The following DOP1B variants were observed in gnomAD, a reference collection of about 807,000 sequenced individuals.
DOP1B encodes DOP1 leucine zipper like protein B.
Under a neutral mutation model 233.5 loss-of-function variants are expected in DOP1B, and 174 were observed. That is an observed-to-expected ratio of 0.75 (90% confidence interval 0.66 to 0.85). The LOEUF (loss-of-function observed/expected upper bound fraction) is 0.85, where lower values mean the gene tolerates loss of function less well. Ranked by LOEUF, DOP1B falls within the 40% of genes least tolerant of loss-of-function variation. DOP1B has a pLI of 0.00. For missense variants in DOP1B, 2,652 were observed against 2,846.6 expected (o/e 0.93, Z 1.56); for synonymous variants, 1,190 against 1,185.6 (o/e 1.00, Z -0.08).
intron 1 of DOP1B, among the ~76,000 whole-genome samples, chr21:36,160,294 G>A (rs760544482): frequency 2.6e-5 from 4 of 152,150 alleles, no homozygotes; most frequent in Non-Finnish European, 4.4e-5. Flanking sequence ...GCCTTCCCAG[G>A]ATTGAGTAGG....
In DOP1B at chr21:36,196,322, T is replaced by C. The variant is rs377090836; in HGVS notation, c.139-2748T>C. 2.7e-3 allele frequency among the ~76,000 whole-genome samples: 414 copies of C among 152,254 alleles called. 5 individuals are homozygous for C. The highest frequency in any genetic ancestry group is 4.4e-3 in the Non-Finnish European group (300 of 68,028). On this transcript the variant is annotated intron_variant, in intron 2 of 36. Transcript: ENST00000691173. ...CAGTAAGCCATGGGAGTCGTGGAAA[T>C]GTTTTCTGCGGGCTGGCTGGGCATT...
chr21:36,274,193 T>C (rs1420726287), intron 27 of DOP1B, among the ~76,000 whole-genome samples: 1 of 152,182 alleles, frequency 6.6e-6, no homozygotes, highest in Non-Finnish European at 1.5e-5. Flanking sequence ...CTTTGGCTGC[T>C]GTGATCAGTA....
chr21:36,236,786 T>C (rs1008883022), intron 15 of DOP1B, among the ~76,000 whole-genome samples: 43 of 147,066 alleles, frequency 2.9e-4, no homozygotes, highest in Non-Finnish European at 5.0e-4. Context: ...TCTTTTTTTT[T>C]TTTTTTTTGA....
rs1464218506 is a variant in DOP1B at position 36,293,722 on chromosome 21, C to A, written c.*151C>A. 1 of 848,400 alleles carries A rather than the reference C, an allele frequency of 1.2e-6. No individual in the cohort carries two copies. Among genetic ancestry groups the A allele is most frequent in the Non-Finnish European group, 1.8e-6 (1 of 554,442 alleles). The allele number at this position is 848,400 out of a possible 1,614,324, so 52.6% of individuals were successfully genotyped here. ...TTCAGGCTAGGTGCGGTGGCTCACA[C>A]CTGTAATCTCAGCACTTTGGGAGGC... is the stretch of plus-strand genomic sequence containing the variant. On this transcript the variant is annotated 3_prime_UTR_variant, in exon 37 of 37. Transcript: ENST00000691173.
chr21:36,218,486 G>C lies in DOP1B; in HGVS notation c.1130-886G>C, dbSNP rs577981211. On this transcript the variant is annotated intron_variant, in intron 9 of 36. Coordinates refer to ENST00000691173, the MANE Select transcript of DOP1B (RefSeq NM_001320714.2). ...TGCAGTGAGCTGAAATCATGCCACT[G>C]CACTCCAGCCTGGGCAACAGAGCAA... Among the ~76,000 whole-genome samples, 83 of 152,154 alleles carry C rather than the reference G, an allele frequency of 5.5e-4. No homozygotes were observed. The South Asian group carries it at 0.012, about 22-fold the overall frequency.
At position 36,174,713 on chromosome 21, in the gene DOP1B, A is replaced by G. The variant is rs945884059; in HGVS notation, c.138+9842A>G. On this transcript the variant is annotated intron_variant, in intron 2 of 36. Coordinates refer to ENST00000691173, the MANE Select transcript of DOP1B (RefSeq NM_001320714.2). Reference sequence around the variant, plus strand: ...CTTTTCATAGAGACAGGGTTTCACTATGTTGCCCAGGCAGGTCTCAAATTC... The same window carrying G: ...CTTTTCATAGAGACAGGGTTTCACTGTGTTGCCCAGGCAGGTCTCAAATTC... 8.5e-5 allele frequency among the ~76,000 whole-genome samples: 13 copies of G among 152,242 alleles called. No homozygotes were observed. In the East Asian group the frequency reaches 1.2e-3, roughly 14 times the overall value.
intron 2 of DOP1B, among the ~76,000 whole-genome samples, chr21:36,181,904 A>G (rs944967851): frequency 2.6e-5 from 4 of 152,200 alleles, no homozygotes; most frequent in African/African-American, 9.7e-5. Context: ...CTTGTGTCAT[A>G]AAGGATCAGT....
chr21:36,258,104 G>A lies in DOP1B; in HGVS notation c.5260-2573G>A, dbSNP rs1205357405. On this transcript the variant is annotated intron_variant, in intron 23 of 36. Transcript: ENST00000691173. ...GTAGATAGATAGATAGATGTAGGTA[G>A]GTAGATAGATATTATGATTTTAGAG... is the stretch of plus-strand genomic sequence containing the variant. Among the ~76,000 whole-genome samples, 14 of 152,170 alleles carry A rather than the reference G, an allele frequency of 9.2e-5. No individual in the cohort carries two copies. In the East Asian group the frequency reaches 2.7e-3, roughly 29 times the overall value.
chr21:36,225,249 A>C (rs1405655083), intron 11 of DOP1B, among the ~76,000 whole-genome samples: 1 of 150,252 alleles, frequency 6.7e-6, no homozygotes, highest in South Asian at 2.1e-4. Context: ...TTTTTTTCTG[A>C]GACAGAGTCT....
intron 13 of DOP1B, among the ~76,000 whole-genome samples, chr21:36,229,346 C>T (rs1040644100): frequency 6.6e-6 from 1 of 152,142 alleles, no homozygotes; most frequent in Non-Finnish European, 1.5e-5. Context: ...ATGCCTCCCC[C>T]GAGCTTCTGG....
intron 4 of DOP1B, among the ~76,000 whole-genome samples, chr21:36,207,491 T>C (rs958335479): frequency 7.3e-6 from 1 of 137,110 alleles, no homozygotes; most frequent in Non-Finnish European, 1.5e-5. Context: ...AGCCAAACAG[T>C]TTTTTTTGTT....
intron 22 of DOP1B, among the ~76,000 whole-genome samples, chr21:36,251,835 A>G (rs1234228190): frequency 6.6e-6 from 1 of 152,224 alleles, no homozygotes; most frequent in Admixed American, 6.5e-5. Context: ...TTTTTCTGTA[A>G]TGAGTATATA....
intron 2 of DOP1B, among the ~76,000 whole-genome samples, chr21:36,192,940 G>T (rs947928004): frequency 2.6e-5 from 4 of 151,988 alleles, no homozygotes; most frequent in East Asian, 3.9e-4. Flanking sequence ...TGCCCACCTT[G>T]GCCTCCCAAA....
intron 27 of DOP1B, among the ~76,000 whole-genome samples, chr21:36,270,485 GGAGGTTGCAGTGAGCC>G (rs1486072357): frequency 2.0e-5 from 3 of 146,362 alleles, no homozygotes; most frequent in Admixed American, 6.9e-5. Context: ...CCTGGGAGGC[GGAGGTTGCAGTGAGCC>G]GAGATCACGC....
chr21:36,257,697 TAG>T (rs1324321886), intron 23 of DOP1B, among the ~76,000 whole-genome samples: 1 of 151,694 alleles, frequency 6.6e-6, no homozygotes, highest in Non-Finnish European at 1.5e-5. Flanking sequence ...GGTAGGTAGG[TAG>T]AGAGATGGAT....
chr21:36,167,394 C>T (rs1239731414), intron 2 of DOP1B, among the ~76,000 whole-genome samples: 2 of 152,000 alleles, frequency 1.3e-5, no homozygotes, highest in African/African-American at 2.4e-5. Flanking sequence ...AGGCTGGTCT[C>T]GAACTCCTGA....
Position 36,186,368 on chromosome 21 carries a change from GTGTA to G in DOP1B, c.139-12698_139-12695del, listed in dbSNP as rs569530523. ...ATGCATGTGTGTATATGTATGCAGTGTGTATGTGTGGAGTGTGTGCATGTGTGTA... is the reference window on the plus strand; with the variant it reads ...ATGCATGTGTGTATATGTATGCAGTGTGTGTGGAGTGTGTGCATGTGTGTA... On this transcript the variant is annotated intron_variant, in intron 2 of 36. Coordinates refer to ENST00000691173, the MANE Select transcript of DOP1B (RefSeq NM_001320714.2). 1.5e-4 allele frequency among the ~76,000 whole-genome samples: 23 copies of G among 152,220 alleles called. 1 individual carries two copies. The South Asian group carries it at 3.3e-3, about 22-fold the overall frequency.
In DOP1B at chr21:36,251,251, C is replaced by G; in HGVS notation, c.5088C>G (p.Ser1696Arg). Residue 1696 changes from serine (S) to arginine (R), a missense_variant, in exon 22 of 37, where the codon AGC becomes AGG. Ser to Arg is a moderately radical substitution (Grantham distance 110, BLOSUM62 -1). Coordinates refer to ENST00000691173, the MANE Select transcript of DOP1B (RefSeq NM_001320714.2). ...QLTAAVAAVW[S>R]RKKAQRHSKM... is the part of the protein sequence containing the mutation. ...CAGCGGCTGTTGCGGCAGTGTGGAG[C>G]AGAAAGAAAGCCCAGCGTCACAGTA... The G allele has an allele frequency of 6.2e-7, 1 of 1,613,714 alleles. No individual in the cohort carries two copies. Among genetic ancestry groups the G allele is most frequent in the Non-Finnish European group, 8.5e-7 (1 of 1,179,918 alleles).
chr21:36,245,024 C>T lies in DOP1B; in HGVS notation c.3068-24C>T, dbSNP rs144320124. On this transcript the variant is annotated intron_variant, in intron 18 of 36. Coordinates refer to ENST00000691173, the MANE Select transcript of DOP1B (RefSeq NM_001320714.2). This position sits in a 1 kb window ranked among gnomAD's most constrained non-coding sequence, Gnocchi z 5.5. ...CATAGCTGACCCTTCTGTCTAAAGT[C>T]ATTTGTCATCTTGTAATTTTCAGAT... is the stretch of plus-strand genomic sequence containing the variant. The T allele has an allele frequency of 3.8e-4, 601 of 1,575,264 alleles. 2 individuals are homozygous for T. In the African/African-American group the frequency reaches 6.5e-3, roughly 17 times the overall value.
Sources: gnomAD v4.1 joint callset for allele counts (sites outside exome capture counted in the v4.1 genomes callset) on GRCh38, gnomAD v4.1.1 for gene constraint, Gnocchi (gnomAD v3.1) non-coding constraint, MANE v1.5 for transcripts, NCBI Gene and HGNC (gene_info 2026-07-23, HGNC 2026-07-21) for gene names.